DDAH1: variants seen among roughly 807,000 people sequenced by gnomAD.
DDAH1 encodes the protein N(G),N(G)-dimethylarginine dimethylaminohydrolase 1.
Under a neutral mutation model 28.8 loss-of-function variants are expected in DDAH1, and 19 were observed. That is an observed-to-expected ratio of 0.66 (90% confidence interval 0.46 to 0.97). The LOEUF (loss-of-function observed/expected upper bound fraction) is 0.97, where lower values mean the gene tolerates loss of function less well. Among genes scored for constraint, DDAH1 ranks in the 50% least tolerant of loss-of-function variants. The pLI is 0.00. For synonymous variants in DDAH1, 153 were observed against 154.4 expected (o/e 0.99, Z 0.07); for missense variants, 326 against 375.9 (o/e 0.87, Z 1.10).
intron 2 of DDAH1, among the ~76,000 whole-genome samples, chr1:85,353,336 T>A (rs182384123): frequency 6.6e-6 from 1 of 152,202 alleles, no homozygotes; most frequent in East Asian, 1.9e-4. Flanking sequence ...TGCCTCAGAG[T>A]ATTATGGTGA....
Position 85,374,685 on chromosome 1 carries a change from TTAAG to T in DDAH1, c.304-15842_304-15839del, listed in dbSNP as rs532596017. Among the ~76,000 whole-genome samples, 3 of 149,592 alleles carry T rather than the reference TTAAG, an allele frequency of 2.0e-5. No homozygotes were observed. In the Admixed American group the frequency reaches 2.0e-4, roughly 10 times the overall value. ...TCACACAAACTTCAACACATTCCTA[TTAAG>T]TATTTTTATGAGAATTTTTTTTTTG... is the stretch of plus-strand genomic sequence containing the variant. On this transcript the variant is annotated intron_variant, in intron 1 of 5. Coordinates refer to ENST00000284031, the MANE Select transcript of DDAH1 (RefSeq NM_012137.4).
chr1:85,412,135 CAT>C (rs1209129120), intron 1 of DDAH1, among the ~76,000 whole-genome samples: 3 of 152,150 alleles, frequency 2.0e-5, no homozygotes, highest in East Asian at 1.9e-4. Context: ...TAACTTAAAA[CAT>C]GTGAAAGGTT....
chr1:85,498,667 C>T (rs1656683292), intron 1 of DDAH1, among the ~76,000 whole-genome samples: 1 of 152,022 alleles, frequency 6.6e-6, no homozygotes, highest in South Asian at 2.1e-4. Flanking sequence ...GCCTATAATC[C>T]CAGCACTTTG....
chr1:85,381,604 A>G (rs1303436780), intron 1 of DDAH1, among the ~76,000 whole-genome samples: 1 of 151,390 alleles, frequency 6.6e-6, no homozygotes, highest in Non-Finnish European at 1.5e-5. Flanking sequence ...GTTCCTTTAT[A>G]TACAATGAGT....
At chr1:85,453,303 T>C (rs762233177) in intron 1 of DDAH1, among the ~76,000 whole-genome samples, 30 of 152,194 alleles carry the variant, frequency 2.0e-4, no homozygotes, top group Non-Finnish European at 4.0e-4. Flanking sequence ...GCTTCAGTTA[T>C]CCAGCTCAGT....
intron 1 of DDAH1, among the ~76,000 whole-genome samples, chr1:85,570,314 C>G (rs1659413902): frequency 1.3e-5 from 2 of 151,430 alleles, no homozygotes; most frequent in South Asian, 4.2e-4. Flanking sequence ...CTCTCCCTTG[C>G]TTATTCCATA....
At position 85,318,631 on chromosome 1, in the gene DDAH1, A is replaced by G. The variant is rs143594639; in HGVS notation, c.*2821T>C. 1.8e-4 allele frequency: 28 copies of G among 152,788 alleles called. No individual in the cohort carries two copies. In the East Asian group the frequency reaches 5.4e-3, roughly 29 times the overall value. 9.5% of individuals were successfully genotyped at this position (152,788 alleles called of 1,614,324 possible). On this transcript the variant is annotated 3_prime_UTR_variant, in exon 6 of 6. Coordinates refer to ENST00000284031, the MANE Select transcript of DDAH1 (RefSeq NM_012137.4). ...GTTTTGGCACACAGAGTGGATAACC[A>G]TACATTGGCTGGAATGAGGTGGTCA...
chr1:85,465,056 G>T lies in DDAH1; in HGVS notation c.-11C>A. ...GCCGAGCCCGGCCATGGCTTCGGGA[G>T]GCTTAGGGGCGGCGGCGGCGGCGGA... On this transcript the variant is annotated 5_prime_UTR_variant, in exon 1 of 6. Transcript: ENST00000284031. The T allele has an allele frequency of 1.6e-6, 2 of 1,238,912 alleles. No individual in the cohort carries two copies. 76.7% of individuals were successfully genotyped at this position (1,238,912 alleles called of 1,614,324 possible).
chr1:85,533,815 A>T (rs1325783108), intron 1 of DDAH1, among the ~76,000 whole-genome samples: 1 of 152,226 alleles, frequency 6.6e-6, no homozygotes, highest in Non-Finnish European at 1.5e-5. Context: ...TGTGAAAATT[A>T]AATAAGACAA....
At position 85,441,434 on chromosome 1, in the gene DDAH1, G is replaced by A. The variant is rs544113052; in HGVS notation, c.303+23309C>T. Among the ~76,000 whole-genome samples the A allele has an allele frequency of 2.6e-5, 4 of 152,154 alleles. No individual in the cohort carries two copies. In the East Asian group the frequency reaches 5.8e-4, roughly 22 times the overall value. On this transcript the variant is annotated intron_variant, in intron 1 of 5. Coordinates refer to ENST00000284031, the MANE Select transcript of DDAH1 (RefSeq NM_012137.4). ...CATGCGCCTGTAGTCTCAGCTACTC[G>A]GGAGGCTGAGGTAGGAAAATCACCA... is the stretch of plus-strand genomic sequence containing the variant.
chr1:85,400,230 G>T (rs1031423043), intron 1 of DDAH1, among the ~76,000 whole-genome samples: 2 of 58,392 alleles, frequency 3.4e-5, no homozygotes, highest in Admixed American at 3.1e-4. Flanking sequence ...TCAATCTGTT[G>T]CCCAGGCTGG....
upstream of DDAH1, among the ~76,000 whole-genome samples, chr1:85,466,078 C>A (rs534596642): frequency 2.0e-5 from 3 of 152,272 alleles, no homozygotes; most frequent in East Asian, 5.8e-4. Context: ...CTGATCCCAG[C>A]TTTTAGGAAA....
chr1:85,418,347 CA>C, intron 1 of DDAH1, among the ~76,000 whole-genome samples: 2 of 152,094 alleles, frequency 1.3e-5, no homozygotes, highest in Middle Eastern at 3.4e-3. Flanking sequence ...AAAATGAGAC[CA>C]ATAAAACTCG....
intron 1 of DDAH1, among the ~76,000 whole-genome samples, chr1:85,561,843 C>T (rs965802028): frequency 7.2e-4 from 110 of 152,300 alleles, no homozygotes; most frequent in African/African-American, 2.6e-3. Flanking sequence ...GGCTACTGTT[C>T]TAATTTTGAC....
chr1:85,445,595 T>C (rs1169180319), intron 1 of DDAH1, among the ~76,000 whole-genome samples: 2 of 152,136 alleles, frequency 1.3e-5, no homozygotes, highest in African/African-American at 4.8e-5. Context: ...TCATGTTACA[T>C]TGGATTAATT....
At chr1:85,417,753 T>C (rs1032579998) in intron 1 of DDAH1, among the ~76,000 whole-genome samples, 1 of 152,204 alleles carries the variant, frequency 6.6e-6, no homozygotes, top group Non-Finnish European at 1.5e-5. Flanking sequence ...AAATAGTATG[T>C]ATTTGCCCTA....
At chr1:85,498,785 A>T (rs114909857) in intron 1 of DDAH1, among the ~76,000 whole-genome samples, 2,541 of 152,108 alleles carry the variant, frequency 0.017, 67 homozygotes, top group African/African-American at 0.058. Context: ...AGCCGGAGGT[A>T]GTGGCGTATG....
At chr1:85,437,665 T>C (rs1026910310) in intron 1 of DDAH1, among the ~76,000 whole-genome samples, 80 of 152,342 alleles carry the variant, frequency 5.3e-4, no homozygotes, top group African/African-American at 1.7e-3. Context: ...AGTAGGCTAT[T>C]TGTAGTTAAG....
rs1554596 is a variant in DDAH1 at position 85,411,211 on chromosome 1, T to A, written c.304-52364A>T. 6.7e-3 allele frequency among the ~76,000 whole-genome samples: 1,018 copies of A among 152,284 alleles called. 11 individuals carry two copies. Among genetic ancestry groups the A allele is most frequent in the African/African-American group, 0.023 (966 of 41,548 alleles). ...ATCCATGAAACAGACCAATAACAGT[T>A]GACAGTGAGGCAGGAGTCTAAGAAA... is the stretch of plus-strand genomic sequence containing the variant. On this transcript the variant is annotated intron_variant, in intron 1 of 5. Transcript: ENST00000284031.
Sources: gnomAD v4.1 joint callset for allele counts (sites outside exome capture counted in the v4.1 genomes callset) on GRCh38, gnomAD v4.1.1 for gene constraint, MANE v1.5 for transcripts, NCBI Gene and HGNC (gene_info 2026-07-23, HGNC 2026-07-21) for gene names.